ULK2: variants seen among roughly 807,000 people sequenced by gnomAD.
ULK2 encodes unc-51 like autophagy activating kinase 2.
A neutral mutation model predicts 127.5 loss-of-function variants in ULK2; 76 were observed. The ratio of observed to expected loss-of-function variants is 0.60; its 90% CI spans 0.50 to 0.72. The LOEUF (loss-of-function observed/expected upper bound fraction) is 0.72, where lower values mean the gene tolerates loss of function less well. Among genes scored for constraint, ULK2 ranks in the 30% least tolerant of loss-of-function variants. The pLI is 0.00. For synonymous variants in ULK2, 452 were observed against 461.9 expected (o/e 0.98, Z 0.28); for missense variants, 1,144 against 1,295.9 (o/e 0.88, Z 1.80).
chr17:19,841,342 C>T (rs1326865115), intron 9 of ULK2, 147 bp downstream of exon 9: 3 of 747,360 alleles, frequency 4.0e-6, no homozygotes, highest in Non-Finnish European at 6.4e-6. Flanking sequence ...TATGATGTGC[C>T]AGCAATTTTC....
intron 3 of ULK2, among the ~76,000 whole-genome samples, chr17:19,861,487 G>A (rs944795195): frequency 5.9e-5 from 9 of 152,136 alleles, no homozygotes; most frequent in East Asian, 3.9e-4. Flanking sequence ...GAAGCTTGCA[G>A]TGAGCCAAGA....
chr17:19,779,011 T>C (rs546339742), intron 25 of ULK2, among the ~76,000 whole-genome samples: 4 of 152,348 alleles, frequency 2.6e-5, no homozygotes, highest in African/African-American at 9.6e-5. Flanking sequence ...ATTTATCATA[T>C]GAGGTCTCAA....
intron 7 of ULK2, among the ~76,000 whole-genome samples, chr17:19,844,382 C>G (rs2041831945): frequency 6.6e-6 from 1 of 152,136 alleles, no homozygotes; most frequent in Admixed American, 6.5e-5. Context: ...CCTCAGCCTC[C>G]CAAGTAGCTG....
Position 19,797,399 on chromosome 17 carries a change from A to G in ULK2, c.1806T>C (p.Thr602=), listed in dbSNP as rs141225777. The part of the protein sequence containing the change: ...TPLPTIIGSP[T]KTTAPFKIPK... Reference sequence around the variant, plus strand: ...CAAAAGGGTTTAATAAACAAACCTTAGTAGGAGAGCCAATGATTGTTGGCA... The same window carrying G: ...CAAAAGGGTTTAATAAACAAACCTTGGTAGGAGAGCCAATGATTGTTGGCA... Residue 602 remains threonine (T), a synonymous_variant, in exon 18 of 27, where the codon ACT becomes ACC. Coordinates refer to ENST00000395544, the MANE Select transcript of ULK2 (RefSeq NM_014683.4). The G allele has an allele frequency of 2.6e-5, 42 of 1,612,084 alleles. No individual in the cohort carries two copies. Among genetic ancestry groups the G allele is most frequent in the African/African-American group, 4.0e-5 (3 of 74,910 alleles).
chr17:19,844,405 C>T (rs189846682), intron 7 of ULK2, among the ~76,000 whole-genome samples: 5 of 152,244 alleles, frequency 3.3e-5, no homozygotes, highest in Admixed American at 6.5e-5. Context: ...ACTAAAGGCA[C>T]GCCATCACTA....
Position 19,772,084 on chromosome 17 carries a change from T to A in ULK2, c.*4265A>T, listed in dbSNP as rs1351553429. On this transcript the variant is annotated 3_prime_UTR_variant, in exon 27 of 27. Coordinates refer to ENST00000395544, the MANE Select transcript of ULK2 (RefSeq NM_014683.4). ...TGCCCAGGGGCTCCACAGGGCTGGG[T>A]CCTGGCTCTGGCCATCTCTGCACAG... The A allele has an allele frequency of 2.0e-5, 3 of 152,456 alleles. No individual in the cohort carries two copies. The highest frequency in any genetic ancestry group is 7.2e-5 in the African/African-American group (3 of 41,464). The allele number at this position is 152,456 out of a possible 1,614,324, so 9.4% of individuals were successfully genotyped here.
At chr17:19,799,606 A>G in intron 16 of ULK2, 31 bp from the exon 17 acceptor site, 1 of 1,486,024 alleles carries the variant, frequency 6.7e-7, no homozygotes, top group African/African-American at 1.4e-5. Context: ...AAGATGGGGA[A>G]AGGAAGAAAA....
intron 15 of ULK2, among the ~76,000 whole-genome samples, chr17:19,803,340 T>C (rs1243991792): frequency 1.3e-5 from 2 of 152,182 alleles, no homozygotes; most frequent in African/African-American, 2.4e-5. Context: ...ATTAAGGACA[T>C]TCTTTTGTAC....
At chr17:19,842,516 C>T (rs998521613) in intron 8 of ULK2, among the ~76,000 whole-genome samples, 6 of 151,972 alleles carry the variant, frequency 3.9e-5, no homozygotes, top group African/African-American at 1.4e-4. Context: ...TTTCTTAATA[C>T]TATCTCGGGC....
chr17:19,838,479 A>G (rs763945951), intron 10 of ULK2, 22 bp downstream of exon 10: 3 of 1,585,432 alleles, frequency 1.9e-6, no homozygotes, highest in Non-Finnish European at 2.6e-6. Flanking sequence ...GAAAACATGC[A>G]AAAGTTAAAA....
At chr17:19,822,383 A>G (rs1222019906) in intron 12 of ULK2, among the ~76,000 whole-genome samples, 1 of 150,680 alleles carries the variant, frequency 6.6e-6, no homozygotes, top group Non-Finnish European at 1.5e-5. Flanking sequence ...TTTTTTTGAG[A>G]TAGAGTCTCG....
At chr17:19,827,403 G>C (rs1401587984) in intron 10 of ULK2, among the ~76,000 whole-genome samples, 1 of 152,046 alleles carries the variant, frequency 6.6e-6, no homozygotes, top group Non-Finnish European at 1.5e-5. Context: ...TACCAATGTG[G>C]GTTTCCCTAT....
At chr17:19,776,666 T>C (rs777093254) in intron 26 of ULK2, among the ~76,000 whole-genome samples, 11 of 152,130 alleles carry the variant, frequency 7.2e-5, no homozygotes, top group Non-Finnish European at 1.5e-4. Context: ...CTACTCAAAA[T>C]GTAGCAGGAC....
chr17:19,783,949 C>T, intron 21 of ULK2, 44 bp from the exon 22 acceptor site: 1 of 1,364,800 alleles, frequency 7.3e-7, no homozygotes, highest in Non-Finnish European at 9.5e-7. Context: ...AGAGTTAGGG[C>T]TTTCACACCC....
rs2086771392 is a variant in ULK2, at chr17:19,773,917, T to C, written c.*2432A>G. 1 of 152,266 alleles carries C rather than the reference T, an allele frequency of 6.6e-6. No individual in the cohort carries two copies. The highest frequency in any genetic ancestry group is 2.4e-5 in the African/African-American group (1 of 41,460). The allele number at this position is 152,266 out of a possible 1,614,324, so 9.4% of individuals were successfully genotyped here. A position where few individuals can be genotyped will look rare whatever the true frequency, so the allele number is the denominator to read the frequency against. On this transcript the variant is annotated 3_prime_UTR_variant, in exon 27 of 27. Coordinates refer to ENST00000395544, the MANE Select transcript of ULK2 (RefSeq NM_014683.4). ...CAGCGAGGGAGAACAACTGTTGCTC[T>C]AGTTACTTCTCTCAATGGAAGGAGG...
chr17:19,787,731 A>C lies in ULK2; in HGVS notation c.2102-1645T>G, dbSNP rs908022087. ...CCTCCCAAAAATTTGCACACAATAA[A>C]GCACCTTCATAAGAACCAAAAATCA... is the stretch of plus-strand genomic sequence containing the variant. On this transcript the variant is annotated intron_variant, in intron 20 of 26. Coordinates refer to ENST00000395544, the MANE Select transcript of ULK2 (RefSeq NM_014683.4). Among the ~76,000 whole-genome samples, 3 of 152,350 alleles carry C rather than the reference A, an allele frequency of 2.0e-5. No homozygotes were observed. In the South Asian group the frequency reaches 6.2e-4, roughly 32 times the overall value.
chr17:19,771,794 A>C lies in ULK2; in HGVS notation c.*4555T>G, dbSNP rs1597691162. Reference sequence around the variant, plus strand: ...GACCACTAAGCTACCTGCCAAATTGAGTTGCAGAAACCCCAAAGGAGGCAT... The same window carrying C: ...GACCACTAAGCTACCTGCCAAATTGCGTTGCAGAAACCCCAAAGGAGGCAT... On this transcript the variant is annotated 3_prime_UTR_variant, in exon 27 of 27. Transcript: ENST00000395544. The C allele has an allele frequency of 6.6e-6, 1 of 152,370 alleles. No individual in the cohort carries two copies. The highest frequency in any genetic ancestry group is 1.5e-5 in the Non-Finnish European group (1 of 68,048). 9.4% of individuals were successfully genotyped at this position (152,370 alleles called of 1,614,324 possible).
chr17:19,849,971 T>C lies in ULK2; in HGVS notation c.226-197A>G, dbSNP rs114414895. 4.5e-3 allele frequency among the ~76,000 whole-genome samples: 680 copies of C among 152,280 alleles called. 2 individuals carry two copies. Among genetic ancestry groups the C allele is most frequent in the African/African-American group, 0.016 (653 of 41,558 alleles). On this transcript the variant is annotated intron_variant, in intron 3 of 26. Transcript: ENST00000395544. ...TCTACAAAGCCAAATCAAGTTTTGG[T>C]AACACTAATGTAGTCATCAAGAAGT...
intron 25 of ULK2, among the ~76,000 whole-genome samples, chr17:19,779,222 G>A (rs1331482586): frequency 6.6e-6 from 1 of 152,142 alleles, no homozygotes; most frequent in Non-Finnish European, 1.5e-5. Context: ...GATCTATTAT[G>A]TTAATGTGTT....
Sources: allele counts gnomAD v4.1 joint callset (sites outside exome capture counted in the v4.1 genomes callset), GRCh38; gene constraint gnomAD v4.1.1; transcripts MANE v1.5; gene names NCBI Gene and HGNC (gene_info 2026-07-23, HGNC 2026-07-21).